The following TRDN variants were observed in gnomAD, a reference collection of about 807,000 sequenced individuals.
TRDN encodes triadin in skeletal muscle.
Under a neutral mutation model 149.7 loss-of-function variants are expected in TRDN, and 161 were observed. That is an observed-to-expected ratio of 1.08 (90% CI 0.95 to 1.23). TRDN has a LOEUF of 1.23. TRDN is among the 50% of genes most tolerant of loss of function. The pLI is 0.00. For synonymous variants in TRDN, 294 were observed against 250.5 expected (o/e 1.17, Z -1.64); for missense variants, 896 against 823.5 (o/e 1.09, Z -1.08).
intron 10 of TRDN, chr6:123,462,900 GAT>G (rs1158676877): frequency 6.6e-6 from 1 of 152,240 alleles, no homozygotes; most frequent in Non-Finnish European, 1.5e-5. Context: ...AGCATTGCCT[GAT>G]AATATAGACT....
intron 1 of TRDN, among the ~76,000 whole-genome samples, chr6:123,593,530 A>T (rs1229564080): frequency 6.6e-6 from 1 of 152,214 alleles, no homozygotes; most frequent in Non-Finnish European, 1.5e-5. Context: ...AAATCAAAGT[A>T]TTGATAGGGT....
chr6:123,295,762 G>C (rs1401436592), intron 24 of TRDN, among the ~76,000 whole-genome samples: 1 of 152,000 alleles, frequency 6.6e-6, no homozygotes, highest in Non-Finnish European at 1.5e-5. Context: ...CCAGGAGTTT[G>C]AGACCGACCT....
chr6:123,301,559 T>C (rs1778395975), intron 24 of TRDN, among the ~76,000 whole-genome samples: 1 of 151,580 alleles, frequency 6.6e-6, no homozygotes, highest in African/African-American at 2.4e-5. Context: ...ATGAATCCTC[T>C]TAATTAATTG....
intron 38 of TRDN, among the ~76,000 whole-genome samples, chr6:123,251,758 T>G (rs981383957): frequency 6.6e-6 from 1 of 152,010 alleles, no homozygotes; most frequent in Non-Finnish European, 1.5e-5. Context: ...TAAGAATATT[T>G]ACAGTTATAT....
chr6:123,236,224 T>C (rs934380755), intron 38 of TRDN, among the ~76,000 whole-genome samples: 3 of 152,208 alleles, frequency 2.0e-5, no homozygotes, highest in Non-Finnish European at 4.4e-5. Flanking sequence ...TGTGCTGTTA[T>C]ATAATGGTGG....
intron 12 of TRDN, among the ~76,000 whole-genome samples, chr6:123,414,345 T>C (rs147590790): frequency 6.6e-6 from 1 of 152,218 alleles, no homozygotes; most frequent in East Asian, 1.9e-4. Context: ...ACGTACTCCA[T>C]AGGATATATA....
chr6:123,462,664 G>A (rs1357104462), intron 10 of TRDN: 3 of 151,832 alleles, frequency 2.0e-5, no homozygotes, highest in Non-Finnish European at 2.9e-5. Flanking sequence ...ATACTTTAGT[G>A]CCACATGAAA....
intron 38 of TRDN, among the ~76,000 whole-genome samples, chr6:123,246,522 G>T (rs544534080): frequency 4.6e-5 from 7 of 151,732 alleles, no homozygotes; most frequent in African/African-American, 1.5e-4. Context: ...ACCCTCCCAA[G>T]ACCAAACCAG....
chr6:123,597,266 G>C (rs983584792), intron 1 of TRDN, among the ~76,000 whole-genome samples: 1 of 152,062 alleles, frequency 6.6e-6, no homozygotes, highest in African/African-American at 2.4e-5. Context: ...TCTAGAATTA[G>C]AAGTGGAGCC....
In TRDN at chr6:123,267,657, A is replaced by G. The variant is rs778358634; in HGVS notation, c.1783+50T>C. 2.7e-5 allele frequency: 35 copies of G among 1,281,602 alleles called. No homozygotes were observed. The East Asian group carries it at 9.3e-4, about 34-fold the overall frequency. The allele number at this position is 1,281,602 out of a possible 1,614,324, so 79.4% of individuals were successfully genotyped here. ...TGCATTACTTTAATTTTTGAATATA[A>G]TAAAAATAGTGAACATAAGACAGAA... On this transcript the variant is annotated intron_variant, in intron 32 of 40. Transcript: ENST00000334268.
rs184980359 is a variant in TRDN at position 123,564,238 on chromosome 6, A to G, written c.232+6685T>C. Among the ~76,000 whole-genome samples, 347 of 152,308 alleles carry G rather than the reference A, an allele frequency of 2.3e-3. 7 individuals are homozygous for G. The highest frequency in any genetic ancestry group is 0.022 in the Admixed American group (338 of 15,298). ...CAAGAGGACCAAATAGGCCTGGGGTAGTGAGCAGAAAATATGGAATTTGAG... is the reference window on the plus strand; with the variant it reads ...CAAGAGGACCAAATAGGCCTGGGGTGGTGAGCAGAAAATATGGAATTTGAG... On this transcript the variant is annotated intron_variant, in intron 2 of 40. Transcript: ENST00000334268.
intron 10 of TRDN, among the ~76,000 whole-genome samples, chr6:123,458,690 T>G (rs540771006): frequency 6.6e-6 from 1 of 152,322 alleles, no homozygotes; most frequent in African/African-American, 2.4e-5. Flanking sequence ...TAAATCAATG[T>G]GTTCTACATT....
At chr6:123,418,286 G>A (rs1036634760) in intron 12 of TRDN, among the ~76,000 whole-genome samples, 3 of 152,038 alleles carry the variant, frequency 2.0e-5, no homozygotes, top group African/African-American at 4.8e-5. Flanking sequence ...CATCAAATAC[G>A]TCTTCAGCTG....
intron 10 of TRDN, among the ~76,000 whole-genome samples, chr6:123,440,612 T>A (rs889685631): frequency 2.6e-5 from 4 of 152,174 alleles, no homozygotes; most frequent in African/African-American, 9.7e-5. Context: ...TTGTAAATAT[T>A]TCTAAGCTCA....
At chr6:123,559,959 C>A (rs536299954) in intron 2 of TRDN, among the ~76,000 whole-genome samples, 4 of 152,294 alleles carry the variant, frequency 2.6e-5, no homozygotes, top group African/African-American at 9.6e-5. Flanking sequence ...ACCCATCAGG[C>A]TCAGCGAATT....
intron 9 of TRDN, chr6:123,489,368 C>A (rs901244192): frequency 6.6e-6 from 1 of 151,898 alleles, no homozygotes; most frequent in South Asian, 2.1e-4. Context: ...GCGTGACCAC[C>A]GAGTTTATAT....
At chr6:123,634,820 C>T (rs1047216686) in intron 1 of TRDN, among the ~76,000 whole-genome samples, 6 of 151,772 alleles carry the variant, frequency 4.0e-5, no homozygotes, top group East Asian at 1.9e-4. Flanking sequence ...TGTTAAGGCC[C>T]GGAAGTGGAA....
intron 38 of TRDN, among the ~76,000 whole-genome samples, chr6:123,248,509 A>T (rs1459545487): frequency 6.6e-6 from 1 of 152,152 alleles, no homozygotes; most frequent in Non-Finnish European, 1.5e-5. Context: ...CTGAGCTGAG[A>T]TCACGCCACT....
chr6:123,594,816 C>G (rs181970576), intron 1 of TRDN, among the ~76,000 whole-genome samples: 122 of 151,776 alleles, frequency 8.0e-4, no homozygotes, highest in African/African-American at 2.8e-3. Context: ...TTTAAAACAT[C>G]AAGCTTATTA....
Sources: allele counts gnomAD v4.1 joint callset (sites outside exome capture counted in the v4.1 genomes callset), GRCh38; gene constraint gnomAD v4.1.1; transcripts MANE v1.5; gene names NCBI Gene and HGNC (gene_info 2026-07-23, HGNC 2026-07-21).